BCAR3: variants seen among roughly 807,000 people sequenced by gnomAD.
BCAR3 encodes the protein BCAR3 adaptor protein, NSP family member.
Under a neutral mutation model 80.1 loss-of-function variants are expected in BCAR3, and 37 were observed. The ratio of observed to expected loss-of-function variants is 0.46; its 90% confidence interval spans 0.36 to 0.61. BCAR3 has a LOEUF of 0.61. Among genes scored for constraint, BCAR3 ranks in the 20% least tolerant of loss-of-function variants. BCAR3 has a pLI of 0.00. For synonymous variants in BCAR3, 389 were observed against 418.9 expected (o/e 0.93, Z 0.87); for missense variants, 978 against 1,068.2 (o/e 0.92, Z 1.18).
intron 3 of BCAR3, among the ~76,000 whole-genome samples, chr1:93,629,646 A>G (rs1675549627): frequency 6.6e-6 from 1 of 152,328 alleles, no homozygotes; most frequent in African/African-American, 2.4e-5. Context: ...CTGTTGTGAC[A>G]CTGATGAGCA....
chr1:93,711,425 T>TCCA lies in BCAR3; in HGVS notation c.-62-5286_-62-5284dup, dbSNP rs1650018971. 7.3e-5 allele frequency among the ~76,000 whole-genome samples: 11 copies of TCCA among 151,240 alleles called. No homozygotes were observed. The South Asian group carries it at 2.3e-3, about 32-fold the overall frequency. ...TATTCAGCCAGCTAGCCTGGGGGAG[T>TCCA]CCACGTGGCAGCTACAGAGTTTCAA... On this transcript the variant is annotated intron_variant, in intron 2 of 13. Coordinates refer to the BCAR3 transcript ENST00000370244.
At chr1:93,575,585 C>T in intron 8 of BCAR3, among the ~76,000 whole-genome samples, 1 of 152,164 alleles carries the variant, frequency 6.6e-6, no homozygotes, top group East Asian at 1.9e-4. Flanking sequence ...CCAGCCTTTC[C>T]CACAAACTCC....
intron 5 of BCAR3, 92 bp from the exon 6 acceptor site, chr1:93,584,213 A>G (rs937871633): frequency 8.6e-7 from 1 of 1,160,770 alleles, no homozygotes; most frequent in Admixed American, 2.6e-5. Context: ...CAAAAACAAA[A>G]AAAAAGAAAA....
intron 2 of BCAR3, among the ~76,000 whole-genome samples, chr1:93,758,052 TCCACTTGTG>T (rs989248658): frequency 6.6e-6 from 1 of 152,138 alleles, no homozygotes; most frequent in African/African-American, 2.4e-5. Context: ...TGCTGCATCG[TCCACTTGTG>T]CCTGGGGCAT....
intron 3 of BCAR3, among the ~76,000 whole-genome samples, chr1:93,625,874 G>A (rs1570982590): frequency 2.0e-5 from 3 of 152,274 alleles, no homozygotes. Flanking sequence ...TTAAGGATCA[G>A]GAGAATGCGC....
At chr1:93,846,486 G>A (rs1279143321) in intron 1 of BCAR3, among the ~76,000 whole-genome samples, 2 of 152,178 alleles carry the variant, frequency 1.3e-5, no homozygotes, top group African/African-American at 2.4e-5. Context: ...GGGCTTCGGG[G>A]TCTTGCGGAT....
chr1:93,562,226 TTC>T lies in BCAR3; in HGVS notation c.*13_*14del. Reference sequence around the variant, plus strand: ...GAAACTTGAAAAGATATTCTAAAGGTTCTCTGGAGAGTTATCAAAGCTCTGCC... The same window carrying T: ...GAAACTTGAAAAGATATTCTAAAGGTTCTGGAGAGTTATCAAAGCTCTGCC... On this transcript the variant is annotated 3_prime_UTR_variant, in exon 12 of 12. Coordinates refer to ENST00000260502, the MANE Select transcript of BCAR3 (RefSeq NM_003567.4). 6.2e-7 allele frequency: 1 copy of T among 1,603,886 alleles called. No homozygotes were observed. The highest frequency in any genetic ancestry group is 8.5e-7 in the Non-Finnish European group (1 of 1,174,310).
chr1:93,845,502 A>ATATATCTATCTCATGTTGTCAAG, intron 2 of BCAR3: 7 of 113,824 alleles, frequency 6.1e-5, no homozygotes, highest in African/African-American at 2.1e-4. Flanking sequence ...ATATATATAT[A>ATATATCTATCTCATGTTGTCAAG]AAACTTTGTT....
chr1:93,644,220 T>C (rs1298828838), intron 2 of BCAR3, among the ~76,000 whole-genome samples: 1 of 152,154 alleles, frequency 6.6e-6, no homozygotes, highest in African/African-American at 2.4e-5. Context: ...CTCCCAATCC[T>C]AAAGAAATTA....
upstream of BCAR3, among the ~76,000 whole-genome samples, chr1:93,685,263 T>A (rs1231566072): frequency 6.6e-6 from 1 of 152,192 alleles, no homozygotes; most frequent in Admixed American, 6.5e-5. Context: ...CTCTTACCTC[T>A]GTCTCCCATC....
chr1:93,838,157 C>A (rs963530959), intron 2 of BCAR3, among the ~76,000 whole-genome samples: 6 of 152,154 alleles, frequency 3.9e-5, no homozygotes, highest in Admixed American at 2.6e-4. Context: ...ATACTGGAGA[C>A]TGGGTAATTC....
intron 2 of BCAR3, among the ~76,000 whole-genome samples, chr1:93,756,307 G>A (rs1299100868): frequency 6.6e-6 from 1 of 152,164 alleles, no homozygotes; most frequent in African/African-American, 2.4e-5. Context: ...TTATTGGAGT[G>A]TTCACTCTTA....
At chr1:93,736,797 G>C (rs1475903895) in intron 2 of BCAR3, among the ~76,000 whole-genome samples, 1 of 152,184 alleles carries the variant, frequency 6.6e-6, no homozygotes, top group Non-Finnish European at 1.5e-5. Flanking sequence ...GGCAAAATGA[G>C]CAAAGCTATG....
chr1:93,590,499 C>T (rs1352798843), intron 4 of BCAR3: 1 of 152,188 alleles, frequency 6.6e-6, no homozygotes, highest in Non-Finnish European at 1.5e-5. Context: ...CAGTTTGGAA[C>T]GATTTATCAC....
intron 2 of BCAR3, among the ~76,000 whole-genome samples, chr1:93,720,791 G>A (rs944521896): frequency 1.3e-5 from 2 of 152,204 alleles, no homozygotes; most frequent in South Asian, 4.1e-4. Context: ...ACACACCCTG[G>A]GCCTGAGGGC....
chr1:93,627,272 A>G (rs1326775687), intron 3 of BCAR3, among the ~76,000 whole-genome samples: 1 of 152,236 alleles, frequency 6.6e-6, no homozygotes, highest in African/African-American at 2.4e-5. Context: ...ATGCATGGGT[A>G]AAAGATCCAT....
At chr1:93,760,608 T>TAAAA (rs11365595) in intron 2 of BCAR3, among the ~76,000 whole-genome samples, 2,111 of 149,378 alleles carry the variant, frequency 0.014, 38 homozygotes, top group African/African-American at 0.047. Flanking sequence ...TAAATTAGCT[T>TAAAA]AAAAAAAAAA....
chr1:93,615,301 C>G (rs1263380089), intron 3 of BCAR3, among the ~76,000 whole-genome samples: 2 of 152,114 alleles, frequency 1.3e-5, no homozygotes, highest in African/African-American at 4.8e-5. Context: ...AGTCTGCCCA[C>G]AAAAATAGGA....
At chr1:93,710,890 G>A (rs1318041088) in intron 2 of BCAR3, among the ~76,000 whole-genome samples, 1 of 152,226 alleles carries the variant, frequency 6.6e-6, no homozygotes, top group Non-Finnish European at 1.5e-5. Context: ...GGTTTCTCAA[G>A]AGGTTACATT....
Sources: allele counts gnomAD v4.1 joint callset (sites outside exome capture counted in the v4.1 genomes callset), GRCh38; gene constraint gnomAD v4.1.1; transcripts MANE v1.5; gene names NCBI Gene and HGNC (gene_info 2026-07-23, HGNC 2026-07-21).